Variants in SLC9D1 observed in about 807,000 individuals in gnomAD.
SLC9D1 encodes the protein putative LAG1-interacting protein.
chr13:113,500,714 A>G, the SLC9D1 span, among the ~76,000 whole-genome samples: 4 of 152,320 alleles, frequency 2.6e-5, no homozygotes, highest in East Asian at 7.7e-4. Context: ...CCCTCAGGGA[A>G]GCTTGGCAAG....
the SLC9D1 span, among the ~76,000 whole-genome samples, chr13:113,515,036 C>T: frequency 2.0e-5 from 3 of 152,206 alleles, no homozygotes; most frequent in Non-Finnish European, 2.9e-5. Flanking sequence ...CATTTTTAAC[C>T]TGATCTACCA....
the SLC9D1 span, among the ~76,000 whole-genome samples, chr13:113,499,331 T>C: frequency 2.6e-5 from 4 of 152,210 alleles, no homozygotes; most frequent in African/African-American, 4.8e-5. Flanking sequence ...GATATCAGTC[T>C]TGGCGACCTC....
chr13:113,503,346 TGTGTGTGTGTGTG>T, the SLC9D1 span: 305 of 155,064 alleles, frequency 2.0e-3, no homozygotes, highest in Middle Eastern at 3.1e-3. Flanking sequence ...ACTGTGTGAT[TGTGTGTGTGTGTG>T]TGTGTGTGTG....
chr13:113,548,547 G>T, the SLC9D1 span: 2 of 1,358,260 alleles, frequency 1.5e-6, no homozygotes, highest in Non-Finnish European at 1.0e-6. Flanking sequence ...GCAGCACAGC[G>T]GGGCCTGGGG....
chr13:113,508,351 G>C, the SLC9D1 span, among the ~76,000 whole-genome samples: 1 of 152,244 alleles, frequency 6.6e-6, no homozygotes, highest in Non-Finnish European at 1.5e-5. Flanking sequence ...GGCTAACACT[G>C]CTTGCAGGAG....
the SLC9D1 span, among the ~76,000 whole-genome samples, chr13:113,538,224 A>C: frequency 1.1e-5 from 1 of 93,804 alleles, no homozygotes. Flanking sequence ...ATGCATACAT[A>C]TGTGCTTTGT....
the SLC9D1 span, among the ~76,000 whole-genome samples, chr13:113,531,643 G>C: frequency 6.6e-6 from 1 of 151,420 alleles, no homozygotes; most frequent in Non-Finnish European, 1.5e-5. Flanking sequence ...CGTACGTGCA[G>C]ATCAAGAGCA....
chr13:113,532,719 G>T, the SLC9D1 span, among the ~76,000 whole-genome samples: 1 of 152,286 alleles, frequency 6.6e-6, no homozygotes, highest in African/African-American at 2.4e-5. Context: ...GCAGAAAGGG[G>T]CCTCTCTCTG....
At chr13:113,548,565 C>CA in the SLC9D1 span, 5 of 1,195,930 alleles carry the variant, frequency 4.2e-6, no homozygotes, top group South Asian at 7.8e-5. Context: ...GGGGCAGGGT[C>CA]CTCCTCCAGG....
At chr13:113,538,005 G>GTA in the SLC9D1 span, among the ~76,000 whole-genome samples, 2 of 119,558 alleles carry the variant, frequency 1.7e-5, no homozygotes, top group South Asian at 2.4e-4. Flanking sequence ...GTGTGTACAT[G>GTA]TGTGTGCTTT....
the SLC9D1 span, among the ~76,000 whole-genome samples, chr13:113,543,056 C>T: frequency 1.5e-5 from 2 of 129,322 alleles, no homozygotes; most frequent in Admixed American, 8.2e-5. Context: ...ACCCCCACCT[C>T]CTCCCCCTGC....
At chr13:113,539,397 T>G in the SLC9D1 span, 1 of 1,613,612 alleles carries the variant, frequency 6.2e-7, no homozygotes, top group Non-Finnish European at 8.5e-7. This position sits in a 1 kb window ranked among gnomAD's most constrained non-coding sequence, Gnocchi z 4.8. Context: ...CTGGGCTGTT[T>G]CCTGGCTGGA....
chr13:113,518,330 A>G, the SLC9D1 span, among the ~76,000 whole-genome samples: 2 of 151,042 alleles, frequency 1.3e-5, no homozygotes, highest in Non-Finnish European at 3.0e-5. Flanking sequence ...GGGGTCCTGC[A>G]TCAGGGACCT....
At chr13:113,533,259 TTCATTCCATCCCTTCATTCCATC>T in the SLC9D1 span, among the ~76,000 whole-genome samples, 2 of 62,874 alleles carry the variant, frequency 3.2e-5, no homozygotes, top group Non-Finnish European at 5.6e-5. Context: ...ATTCCATCCC[TTCATTCCATCCCTTCATTCCATC>T]CCTCTCTGCT....
At chr13:113,496,078 G>C in the SLC9D1 span, 104 of 1,168,062 alleles carry the variant, frequency 8.9e-5, no homozygotes, top group Non-Finnish European at 1.2e-4. Context: ...GAGAGGTGAA[G>C]AGAGAGGGAG....
the SLC9D1 span, chr13:113,524,209 G>T: frequency 2.2e-6 from 1 of 454,828 alleles, no homozygotes; most frequent in Non-Finnish European, 4.4e-6. Context: ...GTTAGAATTG[G>T]ATATTTGTCT....
chr13:113,543,087 G>A, the SLC9D1 span, among the ~76,000 whole-genome samples: 1 of 71,316 alleles, frequency 1.4e-5, no homozygotes, highest in South Asian at 5.9e-4. Flanking sequence ...ACCTCTGTCT[G>A]TGACCCCCAC....
chr13:113,543,965 C>T, the SLC9D1 span, among the ~76,000 whole-genome samples: 3 of 152,314 alleles, frequency 2.0e-5, no homozygotes, highest in East Asian at 3.9e-4. Context: ...TTCTCTAACT[C>T]GGCCAGGACC....
At chr13:113,511,522 C>A in the SLC9D1 span, among the ~76,000 whole-genome samples, 1 of 152,184 alleles carries the variant, frequency 6.6e-6, no homozygotes, top group South Asian at 2.1e-4. Flanking sequence ...TTTTAAAAAT[C>A]TGCGGCTTTC....
Sources: gnomAD v4.1 joint callset for allele counts (sites outside exome capture counted in the v4.1 genomes callset) on GRCh38, gnomAD v4.1.1 for gene constraint, Gnocchi (gnomAD v3.1) non-coding constraint, MANE v1.5 for transcripts, NCBI Gene and HGNC (gene_info 2026-07-23, HGNC 2026-07-21) for gene names.